The following RABEPK variants were observed in gnomAD, a reference collection of about 807,000 sequenced individuals.
The protein encoded by RABEPK is 40 kDa Rab9 effector protein.
A neutral mutation model predicts 34.1 loss-of-function variants in RABEPK; 27 were observed. The observed-to-expected ratio is 0.79, with a 90% CI of 0.58 to 1.09. The LOEUF (loss-of-function observed/expected upper bound fraction) is 1.09. Among genes scored for constraint, RABEPK ranks in the 50% least tolerant of loss-of-function variants. The probability of loss-of-function intolerance (pLI) is 0.00; values close to 1 mark genes in which losing one functional copy is unlikely to be tolerated. For synonymous variants in RABEPK, 172 were observed against 169.2 expected (o/e 1.02, Z -0.13); for missense variants, 449 against 462.6 (o/e 0.97, Z 0.27).
At chr9:125,213,296 G>C in intron 3 of RABEPK, 74 bp from the exon 4 acceptor site, 1 of 1,463,468 alleles carries the variant, frequency 6.8e-7, no homozygotes, top group Non-Finnish European at 9.3e-7. Context: ...CTCTTCTCAT[G>C]ACCCTCCTCA....
chr9:125,202,891 C>A, intron 1 of RABEPK, 117 bp from the exon 2 acceptor site: 1 of 520,208 alleles, frequency 1.9e-6, no homozygotes, highest in Admixed American at 3.1e-5. Context: ...GATTCTTATT[C>A]AAATCAATCA....
At chr9:125,228,806 A>T (rs1831962097) in intron 6 of RABEPK, among the ~76,000 whole-genome samples, 2 of 149,678 alleles carry the variant, frequency 1.3e-5, no homozygotes, top group African/African-American at 4.9e-5. Flanking sequence ...TACTAAAAAT[A>T]AAAAAAATTA....
rs1394007225 is a variant in RABEPK, at chr9:125,201,929, T to TA, written c.-7+1029dup. ...TCCCAGCCCCGTTTCTATTTTTAAT[T>TA]AAAAAATAAATAAATGGCCGGGCTC... On this transcript the variant is annotated intron_variant, in intron 1 of 7. Transcript: ENST00000373538. Among the ~76,000 whole-genome samples the TA allele has an allele frequency of 4.5e-4, 65 of 146,024 alleles. 1 individual carries two copies. In the South Asian group the frequency reaches 0.012, roughly 26 times the overall value.
At chr9:125,223,750 C>T (rs1831529231) in intron 5 of RABEPK, among the ~76,000 whole-genome samples, 1 of 144,446 alleles carries the variant, frequency 6.9e-6, no homozygotes, top group Admixed American at 6.9e-5. Flanking sequence ...AAAAAAAATG[C>T]TATAAGGAAC....
At chr9:125,225,722 A>C (rs567497677) in intron 5 of RABEPK, among the ~76,000 whole-genome samples, 22 of 152,154 alleles carry the variant, frequency 1.4e-4, no homozygotes, top group Non-Finnish European at 2.6e-4. Context: ...GCACTTTGGG[A>C]GGCCGAGGCG....
rs1044236958 is a variant in RABEPK at position 125,223,028 on chromosome 9, T to A, written c.526+2328T>A. On this transcript the variant is annotated intron_variant, in intron 5 of 7. Transcript: ENST00000373538. ...CAGGCGCGGTGGCTCACGCCTGTAA[T>A]CCCAGCACTTTGGGAGGCAGAGGCG... Among the ~76,000 whole-genome samples, 83 of 151,514 alleles carry A rather than the reference T, an allele frequency of 5.5e-4. 1 individual carries two copies. The highest frequency in any genetic ancestry group is 1.8e-3 in the African/African-American group (75 of 41,414).
At chr9:125,228,153 A>G (rs542877742) in intron 6 of RABEPK, 94 bp downstream of exon 6, 1 of 1,141,890 alleles carries the variant, frequency 8.8e-7, no homozygotes, top group East Asian at 3.1e-5. Context: ...CTCAGGCTGG[A>G]GTGCGGTGGC....
Position 125,220,716 on chromosome 9 carries a change from C to A in RABEPK, c.526+16C>A, listed in dbSNP as rs1322512128. The A allele has an allele frequency of 6.2e-7, 1 of 1,611,346 alleles. No homozygotes were observed. Among genetic ancestry groups the A allele is most frequent in the Non-Finnish European group, 8.5e-7 (1 of 1,178,558 alleles). On this transcript the variant is annotated intron_variant, in intron 5 of 7. Coordinates refer to ENST00000373538, the MANE Select transcript of RABEPK (RefSeq NM_005833.4). ...TTTGACGCAAGTATGGACTGGTGGG[C>A]ACCTTGGGGCTGGTCAGGGCCATCC...
chr9:125,206,235 C>T (rs1478148790), intron 2 of RABEPK, among the ~76,000 whole-genome samples: 1 of 152,080 alleles, frequency 6.6e-6, no homozygotes, highest in Admixed American at 6.6e-5. Context: ...ATGGGCTGGG[C>T]GTGGTGGGCG....
At chr9:125,217,702 A>C (rs556565676) in intron 4 of RABEPK, among the ~76,000 whole-genome samples, 2 of 152,288 alleles carry the variant, frequency 1.3e-5, no homozygotes, top group East Asian at 3.9e-4. Context: ...TCAAATGCTC[A>C]GGACTCCTTT....
At chr9:125,206,907 T>C (rs996230896) in intron 2 of RABEPK, among the ~76,000 whole-genome samples, 2 of 151,984 alleles carry the variant, frequency 1.3e-5, no homozygotes, top group Admixed American at 1.3e-4. Flanking sequence ...CTGACCAACA[T>C]GGAGAAATCC....
intron 3 of RABEPK, among the ~76,000 whole-genome samples, chr9:125,212,654 C>CTTT (rs1051435694): frequency 7.0e-6 from 1 of 141,920 alleles, no homozygotes; most frequent in Non-Finnish European, 1.5e-5. Flanking sequence ...TTCTTTCTTT[C>CTTT]TTTTTTTTTT....
At chr9:125,232,570 C>T in intron 6 of RABEPK, 26 bp from the exon 7 acceptor site, 2 of 1,602,196 alleles carry the variant, frequency 1.2e-6, no homozygotes, top group Non-Finnish European at 1.7e-6. Flanking sequence ...CCATGCTGCG[C>T]CAAAGCTCTT....
Position 125,213,374 on chromosome 9 carries a change from A to G in RABEPK, c.216A>G (p.Lys72=), listed in dbSNP as rs142011097. The G allele has an allele frequency of 6.2e-7, 1 of 1,608,364 alleles. No individual in the cohort carries two copies. The highest frequency in any genetic ancestry group is 2.2e-5 in the East Asian group (1 of 44,826). ...ACTGGGTGAAATGTTTTCCAGGAAA[A>G]CACCAGTGGGACTTAGATACCTGCA... ...FSDVHTMDLG[K]HQWDLDTCKG... is the part of the protein sequence containing the mutation. The change falls in exon 4 of 8, where the codon AAA becomes AAG. Residue 72 remains lysine, a synonymous_variant. Transcript: ENST00000373538.
intron 5 of RABEPK, among the ~76,000 whole-genome samples, chr9:125,224,399 T>A (rs190278301): frequency 2.7e-4 from 41 of 152,026 alleles, no homozygotes; most frequent in African/African-American, 9.9e-4. Flanking sequence ...TCCTTCATGC[T>A]TTATGTATAT....
At chr9:125,219,194 T>C (rs552433529) in intron 4 of RABEPK, among the ~76,000 whole-genome samples, 1 of 148,948 alleles carries the variant, frequency 6.7e-6, no homozygotes, top group Non-Finnish European at 1.5e-5. Context: ...TTCATTTCTT[T>C]CTTTCTTTTT....
Position 125,232,621 on chromosome 9 carries a change from T to TC in RABEPK, c.705dup (p.Thr236HisfsTer49), listed in dbSNP as rs1832278229. The stretch of plus-strand genomic sequence containing the variant: ...GTGACATGAAATGGCAGAAGCTAAA[T>TC]CCCACTGGGGCTGCTCCAGCAGGCT... On this transcript the variant is annotated frameshift_variant, in exon 7 of 8. Coordinates refer to ENST00000373538, the MANE Select transcript of RABEPK (RefSeq NM_005833.4). LOFTEE classifies it high-confidence loss of function. The TC allele has an allele frequency of 6.2e-7, 1 of 1,613,410 alleles. No homozygotes were observed. The highest frequency in any genetic ancestry group is 1.3e-5 in the African/African-American group (1 of 75,032).
chr9:125,225,666 T>C (rs923791642), intron 5 of RABEPK, among the ~76,000 whole-genome samples: 6 of 148,808 alleles, frequency 4.0e-5, no homozygotes, highest in African/African-American at 1.5e-4. Context: ...CTACTAAAAA[T>C]ACAAAAATTA....
chr9:125,228,045 A>G lies in RABEPK; in HGVS notation c.662A>G (p.His221Arg), dbSNP rs1831892193. 2.5e-6 allele frequency: 4 copies of G among 1,587,316 alleles called. No individual in the cohort carries two copies. In the Admixed American group the frequency reaches 7.0e-5, roughly 28 times the overall value. ...LAGDRFYDDL[H>R]CIDISDMKWQ... ...GGGGACAGATTCTATGATGACCTCC[A>G]CTGCATTGATATAAGTAAGCAGGGC... is the stretch of plus-strand genomic sequence containing the variant. Residue 221 changes from histidine to arginine, a missense_variant, in exon 6 of 8, where the codon CAC (histidine) becomes CGC (arginine). Physicochemically the swap from His to Arg is conservative, Grantham distance 29. Coordinates refer to ENST00000373538, the MANE Select transcript of RABEPK (RefSeq NM_005833.4).
Sources: gnomAD v4.1 joint callset for allele counts (sites outside exome capture counted in the v4.1 genomes callset) on GRCh38, gnomAD v4.1.1 for gene constraint, MANE v1.5 for transcripts, NCBI Gene and HGNC (gene_info 2026-07-23, HGNC 2026-07-21) for gene names.